The following ZNF638 variants were observed in gnomAD, a reference collection of about 807,000 sequenced individuals.
The protein encoded by ZNF638 is CTCL tumor antigen se33-1.
Under a neutral mutation model 195.6 loss-of-function variants are expected in ZNF638, and 46 were observed. That is an observed-to-expected ratio of 0.24 (90% CI 0.19 to 0.30). The LOEUF (loss-of-function observed/expected upper bound fraction) is 0.30, where lower values mean the gene tolerates loss of function less well. Ranked by LOEUF, ZNF638 falls within the 10% of genes least tolerant of loss-of-function variation. ZNF638 has a pLI of 1.00. For missense variants in ZNF638, 2,440 were observed against 2,325.3 expected, an observed-to-expected ratio of 1.05 and a Z score of -1.01; for synonymous variants, 845 against 772.0, an observed-to-expected ratio of 1.09 and a Z score of -1.57.
chr2:71,337,054 G>C (rs2078682723), intron 1 of ZNF638, among the ~76,000 whole-genome samples: 1 of 151,900 alleles, frequency 6.6e-6, no homozygotes, highest in African/African-American at 2.4e-5. Context: ...ATGTAGAAAA[G>C]AAGGGCCAAA....
intron 10 of ZNF638, among the ~76,000 whole-genome samples, chr2:71,391,643 T>G (rs1218175385): frequency 6.6e-6 from 1 of 152,228 alleles, no homozygotes; most frequent in Non-Finnish European, 1.5e-5. Context: ...TCCTGGTCAG[T>G]AAGACCTCAA....
intron 1 of ZNF638, among the ~76,000 whole-genome samples, chr2:71,339,202 A>G (rs770312823): frequency 2.0e-5 from 3 of 146,724 alleles, no homozygotes; most frequent in African/African-American, 2.6e-5. Flanking sequence ...CCCAGGCTGG[A>G]GTGCAGTGGC....
intron 1 of ZNF638, among the ~76,000 whole-genome samples, chr2:71,339,054 C>G (rs1208381894): frequency 2.6e-5 from 4 of 151,584 alleles, no homozygotes; most frequent in African/African-American, 9.7e-5. Context: ...TCCTGTTTTC[C>G]TTTTTTGTTT....
chr2:71,354,929 G>T (rs183872621), intron 2 of ZNF638, among the ~76,000 whole-genome samples: 1 of 151,922 alleles, frequency 6.6e-6, no homozygotes, highest in African/African-American at 2.4e-5. Flanking sequence ...GTATGGAATG[G>T]TACTGGTCTA....
intron 20 of ZNF638, among the ~76,000 whole-genome samples, chr2:71,418,015 C>T (rs768062642): frequency 8.5e-5 from 13 of 152,148 alleles, no homozygotes; most frequent in Non-Finnish European, 1.6e-4. Flanking sequence ...CCATTTTGTT[C>T]ACTGATGCAT....
intron 10 of ZNF638, among the ~76,000 whole-genome samples, chr2:71,383,050 C>T (rs1191871140): frequency 1.3e-5 from 2 of 152,166 alleles, no homozygotes; most frequent in Non-Finnish European, 2.9e-5. Context: ...TGGCTGGGTG[C>T]GATGGCTTAT....
intron 10 of ZNF638, among the ~76,000 whole-genome samples, chr2:71,392,334 A>G (rs1324650975): frequency 2.0e-5 from 3 of 152,288 alleles, no homozygotes; most frequent in Admixed American, 2.0e-4. Context: ...AAAAGCGGCT[A>G]TTTGGTGGAA....
At chr2:71,376,945 A>G (rs927492442) in intron 8 of ZNF638, among the ~76,000 whole-genome samples, 1 of 152,144 alleles carries the variant, frequency 6.6e-6, no homozygotes, top group African/African-American at 2.4e-5. Flanking sequence ...TTCCCAGGGA[A>G]AGGGCCATAT....
intron 14 of ZNF638, 42 bp downstream of exon 14, chr2:71,400,222 A>AT: frequency 6.8e-7 from 1 of 1,477,488 alleles, no homozygotes; most frequent in Non-Finnish European, 9.3e-7. Context: ...ACTTATTTTA[A>AT]TTACCAATGC....
chr2:71,389,973 G>A (rs1379583677), intron 10 of ZNF638, among the ~76,000 whole-genome samples: 2 of 152,120 alleles, frequency 1.3e-5, no homozygotes, highest in Non-Finnish European at 2.9e-5. Flanking sequence ...ATTGGCCATG[G>A]CAATAAAGTC....
chr2:71,418,137 A>T (rs993128147), intron 20 of ZNF638: 4 of 152,282 alleles, frequency 2.6e-5, no homozygotes. Context: ...ATAAATATTT[A>T]AAATATTTAT....
rs752721408 is a variant in ZNF638, at chr2:71,423,166, A to G, written c.3652A>G (p.Asn1218Asp). 2 of 1,614,176 alleles carry G rather than the reference A, an allele frequency of 1.2e-6. No individual in the cohort carries two copies. The highest frequency in any genetic ancestry group is 8.5e-7 in the Non-Finnish European group (1 of 1,180,010). ...DLEKKGAEIINPKTALLPSDS... is the reference protein window; with the variant it reads ...DLEKKGAEIIDPKTALLPSDS... ...GGAGAAGAAAGGGGCAGAAATTATTAACCCTAAAACAGCATTGTTACCATC... is the reference window on the plus strand; with the variant it reads ...GGAGAAGAAAGGGGCAGAAATTATTGACCCTAAAACAGCATTGTTACCATC... The change falls in exon 22 of 28, where the codon AAC (asparagine) becomes GAC (aspartate). Residue 1218 changes from asparagine to aspartate, a missense_variant. Asn to Asp is a conservative substitution (Grantham distance 23). Coordinates refer to ENST00000264447, the MANE Select transcript of ZNF638 (RefSeq NM_014497.5).
At chr2:71,338,280 C>T (rs1178836319) in intron 1 of ZNF638, among the ~76,000 whole-genome samples, 2 of 152,312 alleles carry the variant, frequency 1.3e-5, no homozygotes, top group African/African-American at 2.4e-5. Flanking sequence ...TTTTCTACTC[C>T]AACTGTTATT....
intron 1 of ZNF638, 147 bp from the exon 2 acceptor site, chr2:71,348,606 A>T: frequency 8.3e-7 from 1 of 1,209,304 alleles, no homozygotes; most frequent in Non-Finnish European, 1.0e-6. Flanking sequence ...TGGGAAATTT[A>T]AATCTTCGTA....
intron 10 of ZNF638, chr2:71,395,930 T>G (rs896672276): frequency 3.5e-5 from 21 of 597,094 alleles, no homozygotes; most frequent in Non-Finnish European, 6.2e-5. Context: ...CAGTCTAATG[T>G]TACTTGTTAA....
chr2:71,430,300 A>G (rs2080631048), intron 25 of ZNF638, among the ~76,000 whole-genome samples: 1 of 152,192 alleles, frequency 6.6e-6, no homozygotes, highest in South Asian at 2.1e-4. Flanking sequence ...CCTGATGAAG[A>G]AATAAACAAT....
intron 6 of ZNF638, among the ~76,000 whole-genome samples, 172 bp from the exon 7 acceptor site, chr2:71,368,210 A>C (rs2079240772): frequency 6.6e-6 from 1 of 152,232 alleles, no homozygotes; most frequent in Non-Finnish European, 1.5e-5. Context: ...TAAAATCGTG[A>C]TTTAAAAATG....
At chr2:71,344,052 C>T (rs1422525952) in intron 1 of ZNF638, among the ~76,000 whole-genome samples, 2 of 152,182 alleles carry the variant, frequency 1.3e-5, no homozygotes, top group East Asian at 3.9e-4. Context: ...ATTGCTTGAA[C>T]CTGGGAAGCG....
chr2:71,347,197 G>T (rs562707740), intron 1 of ZNF638, among the ~76,000 whole-genome samples: 2 of 152,128 alleles, frequency 1.3e-5, no homozygotes, highest in African/African-American at 4.8e-5. Flanking sequence ...AGGAACAAAG[G>T]CATAGCAAAA....
Sources: gnomAD v4.1 joint callset for allele counts (sites outside exome capture counted in the v4.1 genomes callset) on GRCh38, gnomAD v4.1.1 for gene constraint, MANE v1.5 for transcripts, NCBI Gene and HGNC (gene_info 2026-07-23, HGNC 2026-07-21) for gene names.